NRP1: variants seen among roughly 807,000 people sequenced by gnomAD.
NRP1 encodes neuropilin-1.
In NRP1, 35 loss-of-function variants were observed where a neutral mutation model predicts 106.7. The observed-to-expected ratio is 0.33, with a 90% CI of 0.25 to 0.43. The LOEUF (loss-of-function observed/expected upper bound fraction) is 0.43, where lower values mean the gene tolerates loss of function less well. Ranked by LOEUF, NRP1 falls within the 20% of genes least tolerant of loss-of-function variation. The probability of loss-of-function intolerance (pLI) is 1.00; values close to 1 mark genes in which losing one functional copy is unlikely to be tolerated. For synonymous variants in NRP1, 437 were observed against 417.9 expected (o/e 1.05, Z -0.56); for missense variants, 1,024 against 1,170.4 (o/e 0.87, Z 1.83).
intron 2 of NRP1, among the ~76,000 whole-genome samples, chr10:33,276,340 CT>C (rs1315466793): frequency 6.6e-6 from 1 of 152,132 alleles, no homozygotes; most frequent in Non-Finnish European, 1.5e-5. Flanking sequence ...CCCCCACCCA[CT>C]GGATCAATGA....
At chr10:33,323,136 G>A (rs775327079) in intron 2 of NRP1, among the ~76,000 whole-genome samples, 1 of 152,108 alleles carries the variant, frequency 6.6e-6, no homozygotes, top group Admixed American at 6.6e-5. Context: ...TTGGGAAGCT[G>A]AGACAGAGAA....
chr10:33,198,579 A>G (rs1315388237), intron 11 of NRP1, among the ~76,000 whole-genome samples: 1 of 152,068 alleles, frequency 6.6e-6, no homozygotes, highest in Non-Finnish European at 1.5e-5. Context: ...AACAGTGAAA[A>G]GCAAAGGCCT....
chr10:33,326,390 C>A (rs998978396), intron 2 of NRP1, among the ~76,000 whole-genome samples: 3 of 152,074 alleles, frequency 2.0e-5, no homozygotes, highest in African/African-American at 4.8e-5. Flanking sequence ...TTCTTTATTT[C>A]TTTTCTATTT....
At chr10:33,319,298 G>A (rs1024048611) in intron 2 of NRP1, among the ~76,000 whole-genome samples, 2 of 151,948 alleles carry the variant, frequency 1.3e-5, no homozygotes, top group African/African-American at 4.8e-5. Flanking sequence ...GAGTCACCGC[G>A]CCCAGAGGAC....
At chr10:33,293,572 T>C (rs1167920547) in intron 2 of NRP1, among the ~76,000 whole-genome samples, 1 of 152,154 alleles carries the variant, frequency 6.6e-6, no homozygotes, top group Admixed American at 6.5e-5. Flanking sequence ...CTGCTAAAGG[T>C]CACACGACCA....
At position 33,179,601 on chromosome 10, in the gene NRP1, A is replaced by G. The variant is rs17502571; in HGVS notation, c.*475T>C. 2,318 of 162,822 alleles carry G rather than the reference A, an allele frequency of 0.014. 33 individuals carry two copies. Among genetic ancestry groups the G allele is most frequent in the South Asian group, 0.033 (184 of 5,562 alleles). The allele number at this position is 162,822 out of a possible 1,614,324, so 10.1% of individuals were successfully genotyped here. On this transcript the variant is annotated 3_prime_UTR_variant, in exon 17 of 17. Transcript: ENST00000374867. ...TCTTTGCCTATGCACGACGCGGGCA[A>G]TTATACACAAGTACAACTTCAGGAG...
At chr10:33,241,450 T>C (rs1406236861) in intron 6 of NRP1, among the ~76,000 whole-genome samples, 2 of 147,886 alleles carry the variant, frequency 1.4e-5, no homozygotes, top group African/African-American at 5.1e-5. Context: ...CAAACACAGA[T>C]GTCACACTAA....
intron 3 of NRP1, among the ~76,000 whole-genome samples, chr10:33,268,818 T>G (rs191222032): frequency 6.6e-6 from 1 of 152,184 alleles, no homozygotes; most frequent in Admixed American, 6.5e-5. Context: ...ACATCCATCC[T>G]CTGTTTATGC....
At chr10:33,234,073 C>T (rs1338444017) in intron 6 of NRP1, among the ~76,000 whole-genome samples, 2 of 152,122 alleles carry the variant, frequency 1.3e-5, no homozygotes, top group Non-Finnish European at 2.9e-5. Flanking sequence ...TGTTGTGTCC[C>T]TATGGTGGTA....
chr10:33,250,782 G>A (rs1357271422), intron 6 of NRP1, among the ~76,000 whole-genome samples: 1 of 152,172 alleles, frequency 6.6e-6, no homozygotes, highest in Non-Finnish European at 1.5e-5. Context: ...AAATATTCAA[G>A]TACTTAGGAC....
chr10:33,263,755 T>C lies in NRP1; in HGVS notation c.549A>G (p.Ser183=), dbSNP rs1056363482. The C allele has an allele frequency of 7.4e-6, 12 of 1,613,690 alleles. No individual in the cohort carries two copies. In the Admixed American group the frequency reaches 1.5e-4, roughly 20 times the overall value. Residue 183 remains serine (S), a synonymous_variant, in exon 4 of 17, where the codon TCA becomes TCG. Coordinates refer to ENST00000374867, the MANE Select transcript of NRP1 (RefSeq NM_003873.7). ...AGCTTTCAAATTCCAGGATAATCTC[T>C]GACATCTTTGGCACAAAGACAATAT... ...CTYIVFVPKM[S]EIILEFESFD... is the part of the protein sequence containing the mutation.
At chr10:33,307,911 C>A (rs1003361833) in intron 2 of NRP1, among the ~76,000 whole-genome samples, 1 of 152,080 alleles carries the variant, frequency 6.6e-6, no homozygotes, top group Non-Finnish European at 1.5e-5. Context: ...AAGACACATG[C>A]ACACATATGT....
chr10:33,286,109 A>G (rs1449382933), intron 2 of NRP1, among the ~76,000 whole-genome samples: 2 of 152,174 alleles, frequency 1.3e-5, no homozygotes, highest in African/African-American at 4.8e-5. Flanking sequence ...CTTCCCTATG[A>G]TGAGTTTCTA....
intron 13 of NRP1, among the ~76,000 whole-genome samples, chr10:33,189,407 G>A (rs1009062750): frequency 5.9e-5 from 9 of 152,120 alleles, no homozygotes; most frequent in Non-Finnish European, 1.2e-4. Context: ...CCCCTCTTCC[G>A]TCATCTTTTA....
At chr10:33,187,100 T>C (rs1490030066) in intron 13 of NRP1, among the ~76,000 whole-genome samples, 1 of 152,154 alleles carries the variant, frequency 6.6e-6, no homozygotes. Context: ...CTCAAACTCC[T>C]GGCCTCAAGC....
intron 2 of NRP1, among the ~76,000 whole-genome samples, chr10:33,274,163 G>A (rs540418179): frequency 1.5e-4 from 23 of 152,242 alleles, no homozygotes; most frequent in African/African-American, 4.8e-4. Context: ...GCAATTAAAA[G>A]GTACTTTGCC....
chr10:33,272,076 A>G (rs949097019), intron 2 of NRP1, among the ~76,000 whole-genome samples: 1 of 152,224 alleles, frequency 6.6e-6, no homozygotes, highest in Non-Finnish European at 1.5e-5. Flanking sequence ...AGTGGGGGAA[A>G]TCTTCATGAT....
intron 8 of NRP1, among the ~76,000 whole-genome samples, chr10:33,221,492 T>C (rs1839237153): frequency 6.6e-6 from 1 of 152,192 alleles, no homozygotes; most frequent in Non-Finnish European, 1.5e-5. Flanking sequence ...CCAGGTGAGA[T>C]AACTAAGGCT....
intron 4 of NRP1, among the ~76,000 whole-genome samples, chr10:33,257,030 C>A (rs1416980364): frequency 6.6e-6 from 1 of 152,162 alleles, no homozygotes; most frequent in Non-Finnish European, 1.5e-5. Context: ...ATAAACATAA[C>A]AGGCTTGGAC....
Sources: allele counts gnomAD v4.1 joint callset (sites outside exome capture counted in the v4.1 genomes callset), GRCh38; gene constraint gnomAD v4.1.1; transcripts MANE v1.5; gene names NCBI Gene and HGNC (gene_info 2026-07-23, HGNC 2026-07-21).